Variants in BTRC observed in about 807,000 individuals in gnomAD.
BTRC encodes F-box/WD repeat-containing protein 1A.
A neutral mutation model predicts 85.5 loss-of-function variants in BTRC; 42 were observed. The observed-to-expected ratio is 0.49, with a 90% CI of 0.38 to 0.64. The LOEUF (loss-of-function observed/expected upper bound fraction) is 0.64, where lower values mean the gene tolerates loss of function less well. Ranked by LOEUF, BTRC falls within the 30% of genes least tolerant of loss-of-function variation. The pLI, the probability that BTRC is intolerant of heterozygous loss-of-function variation, is 0.00. For synonymous variants in BTRC, 255 were observed against 263.3 expected (o/e 0.97, Z 0.30); for missense variants, 594 against 743.5 (o/e 0.80, Z 2.34).
At chr10:101,390,413 C>A (rs1344514814) in intron 1 of BTRC, among the ~76,000 whole-genome samples, 1 of 149,370 alleles carries the variant, frequency 6.7e-6, no homozygotes, top group African/African-American at 2.5e-5. Context: ...TCTCTGCTCA[C>A]TGCAAGCTTC....
intron 1 of BTRC, among the ~76,000 whole-genome samples, chr10:101,412,083 C>T (rs1464266322): frequency 6.6e-6 from 1 of 152,164 alleles, no homozygotes; most frequent in African/African-American, 2.4e-5. Flanking sequence ...TGCCCCAGGT[C>T]TGTGTAGTTT....
intron 1 of BTRC, among the ~76,000 whole-genome samples, chr10:101,379,347 A>T (rs1056401249): frequency 3.3e-5 from 5 of 152,140 alleles, no homozygotes; most frequent in Admixed American, 1.3e-4. Flanking sequence ...TTTCTTAAGT[A>T]CTCTTAAATG....
chr10:101,546,641 G>A (rs1019627873), intron 13 of BTRC, among the ~76,000 whole-genome samples: 1 of 152,048 alleles, frequency 6.6e-6, no homozygotes. Context: ...ACTAAGAAAA[G>A]AGCAAATTAA....
At chr10:101,421,199 C>T (rs943765154) in intron 1 of BTRC, among the ~76,000 whole-genome samples, 53 of 151,930 alleles carry the variant, frequency 3.5e-4, no homozygotes, top group African/African-American at 1.2e-3. Flanking sequence ...TTTTGATGTA[C>T]GTTATCTTCT....
At chr10:101,380,387 T>TA (rs1209999788) in intron 1 of BTRC, among the ~76,000 whole-genome samples, 3 of 152,042 alleles carry the variant, frequency 2.0e-5, no homozygotes, top group Admixed American at 1.3e-4. Context: ...TTTTTTTTTT[T>TA]AATTAAAAAG....
intron 3 of BTRC, among the ~76,000 whole-genome samples, chr10:101,469,816 T>C (rs1158706200): frequency 2.6e-5 from 4 of 152,220 alleles, no homozygotes; most frequent in Non-Finnish European, 5.9e-5. Flanking sequence ...TCACTGTAAT[T>C]TTGCCTTTTC....
In BTRC at chr10:101,430,553, T is replaced by A. The variant is rs1282116431; in HGVS notation, c.156+101T>A. 7.9e-6 allele frequency: 7 copies of A among 888,880 alleles called. No individual in the cohort carries two copies. The African/African-American group carries it at 1.2e-4, about 15-fold the overall frequency. The allele number at this position is 888,880 out of a possible 1,614,324, so 55.1% of individuals were successfully genotyped here. A position where few individuals can be genotyped will look rare whatever the true frequency, so the allele number is the denominator to read the frequency against. On this transcript the variant is annotated intron_variant, in intron 2 of 14. Coordinates refer to ENST00000370187, the MANE Select transcript of BTRC (RefSeq NM_033637.4). Reference sequence around the variant, plus strand: ...TTCCCATACTTTACTTATATTCATCTTTTCTCCTTCATATTGCCTGTATCT... The same window carrying A: ...TTCCCATACTTTACTTATATTCATCATTTCTCCTTCATATTGCCTGTATCT...
At chr10:101,415,572 A>T (rs565599286) in intron 1 of BTRC, among the ~76,000 whole-genome samples, 3 of 135,156 alleles carry the variant, frequency 2.2e-5, no homozygotes, top group Admixed American at 7.8e-5. Flanking sequence ...ACAGAGTTTC[A>T]CTCTTGTTGC....
intron 3 of BTRC, among the ~76,000 whole-genome samples, chr10:101,470,998 T>A (rs1356168243): frequency 1.3e-5 from 2 of 152,142 alleles, no homozygotes; most frequent in East Asian, 3.9e-4. Flanking sequence ...GTGCCTAAGG[T>A]ACTGACCCAT....
At chr10:101,468,941 CTT>C (rs1564791368) in intron 3 of BTRC, among the ~76,000 whole-genome samples, 1 of 152,154 alleles carries the variant, frequency 6.6e-6, no homozygotes, top group Non-Finnish European at 1.5e-5. Context: ...AAATTAAACT[CTT>C]TAAAATGTTT....
chr10:101,390,892 A>G (rs1300573817), intron 1 of BTRC, among the ~76,000 whole-genome samples: 1 of 152,186 alleles, frequency 6.6e-6, no homozygotes, highest in African/African-American at 2.4e-5. Context: ...ATCAGTTAAG[A>G]TAGATTAATT....
intron 13 of BTRC, among the ~76,000 whole-genome samples, chr10:101,542,417 A>G (rs533554687): frequency 6.6e-6 from 1 of 152,306 alleles, no homozygotes; most frequent in Non-Finnish European, 1.5e-5. Flanking sequence ...ATCCCAAAAA[A>G]TGTCAATTAA....
At chr10:101,360,118 A>C (rs1458614891) in intron 1 of BTRC, among the ~76,000 whole-genome samples, 2 of 150,748 alleles carry the variant, frequency 1.3e-5, no homozygotes, top group South Asian at 2.1e-4. Context: ...ACAGTGGTGC[A>C]ACCTTGGCTC....
chr10:101,464,533 TC>T (rs1282691980), intron 3 of BTRC, among the ~76,000 whole-genome samples: 2 of 96,550 alleles, frequency 2.1e-5, no homozygotes, highest in Non-Finnish European at 4.1e-5. Flanking sequence ...TTAACAACCT[TC>T]CCCCCCACCC....
At chr10:101,498,193 G>A (rs72841809) in intron 4 of BTRC, among the ~76,000 whole-genome samples, 8,143 of 151,890 alleles carry the variant, frequency 0.054, 285 homozygotes, top group East Asian at 0.12. Context: ...TCATCCTGTC[G>A]CCCAGGCTGG....
intron 12 of BTRC, 31 bp downstream of exon 12, chr10:101,536,684 A>G: frequency 6.7e-7 from 1 of 1,485,524 alleles, no homozygotes; most frequent in Non-Finnish European, 9.4e-7. Context: ...TAAAAAAGAG[A>G]AAATCTACGT....
intron 6 of BTRC, among the ~76,000 whole-genome samples, chr10:101,529,888 T>G (rs1041931482): frequency 4.6e-5 from 7 of 152,158 alleles, no homozygotes; most frequent in African/African-American, 1.7e-4. Context: ...GTGCCAGGAT[T>G]ACACTCAGAG....
rs547944420 is a variant in BTRC at position 101,512,346 on chromosome 10, C to T, written c.325-9293C>T. Among the ~76,000 whole-genome samples the T allele has an allele frequency of 3.3e-4, 50 of 152,280 alleles. 1 individual carries two copies. The highest frequency in any genetic ancestry group is 2.9e-3 in the Admixed American group (44 of 15,290). On this transcript the variant is annotated intron_variant, in intron 4 of 14. Transcript: ENST00000370187. ...GCCTTTCTCAAAGCCAAATGGAATC[C>T]TTAGATATCTTTTATCATTTGCATC... is the stretch of plus-strand genomic sequence containing the variant.
chr10:101,510,007 A>G (rs1309014872), intron 4 of BTRC, among the ~76,000 whole-genome samples: 1 of 151,764 alleles, frequency 6.6e-6, no homozygotes, highest in Non-Finnish European at 1.5e-5. Flanking sequence ...CTCTACTAAA[A>G]ACACAAAAAT....
Sources: gnomAD v4.1 joint callset for allele counts (sites outside exome capture counted in the v4.1 genomes callset) on GRCh38, gnomAD v4.1.1 for gene constraint, MANE v1.5 for transcripts, NCBI Gene and HGNC (gene_info 2026-07-23, HGNC 2026-07-21) for gene names.